DLGAP1: variants seen among roughly 807,000 people sequenced by gnomAD.
The protein encoded by DLGAP1 is disks large-associated protein 1.
In DLGAP1, 11 loss-of-function variants were observed where a neutral mutation model predicts 90.8. The observed-to-expected ratio is 0.12, with a 90% CI of 0.08 to 0.20. The LOEUF is 0.20. Among genes scored for constraint, DLGAP1 ranks in the 10% least tolerant of loss-of-function variants. The pLI is 1.00. For missense variants in DLGAP1, 1,050 were observed against 1,333.8 expected, an observed-to-expected ratio of 0.79 and a Z score of 3.31; for synonymous variants, 558 against 540.7, an observed-to-expected ratio of 1.03 and a Z score of -0.44.
chr18:3,734,129 T>G (rs1183855063), intron 6 of DLGAP1, among the ~76,000 whole-genome samples: 3 of 152,212 alleles, frequency 2.0e-5, no homozygotes, highest in Non-Finnish European at 2.9e-5. Context: ...TTCTTACTTG[T>G]TCTGTTCCTT....
intron 6 of DLGAP1, among the ~76,000 whole-genome samples, chr18:3,739,174 G>A (rs375471252): frequency 0.01 from 1,066 of 102,442 alleles, no homozygotes; most frequent in African/African-American, 0.016. Context: ...TTACACTGTT[G>A]GTGGGACTGT....
intron 1 of DLGAP1, among the ~76,000 whole-genome samples, chr18:4,414,364 G>A (rs193246877): frequency 6.6e-6 from 1 of 152,256 alleles, no homozygotes; most frequent in Non-Finnish European, 1.5e-5. Flanking sequence ...CAGAATAATT[G>A]TATTTATATG....
At chr18:4,140,321 C>A (rs1346518040) in intron 2 of DLGAP1, among the ~76,000 whole-genome samples, 2 of 151,710 alleles carry the variant, frequency 1.3e-5, no homozygotes, top group Non-Finnish European at 3.0e-5. Flanking sequence ...TTGCAAATAT[C>A]TTGTAACCCA....
At chr18:3,767,857 T>C (rs1189877441) in intron 5 of DLGAP1, among the ~76,000 whole-genome samples, 2 of 152,132 alleles carry the variant, frequency 1.3e-5, no homozygotes, top group African/African-American at 2.4e-5. Flanking sequence ...CCTAAGATCA[T>C]GAACAAGACA....
In DLGAP1 at chr18:4,383,439, G is replaced by C. The variant is rs987722524; in HGVS notation, c.-267+71567C>G. Among the ~76,000 whole-genome samples, 2 of 151,776 alleles carry C rather than the reference G, an allele frequency of 1.3e-5. No individual in the cohort carries two copies. The highest frequency in any genetic ancestry group is 2.9e-5 in the Non-Finnish European group (2 of 67,928). The stretch of plus-strand genomic sequence containing the variant: ...TGAAAATATAATCCTAATAAAATGG[G>C]CATGTAAGATATCTCCCTCTAGTTT... On this transcript the variant is annotated intron_variant, in intron 1 of 12. Coordinates refer to ENST00000315677, the MANE Select transcript of DLGAP1 (RefSeq NM_004746.4). This position sits in a 1 kb window ranked among gnomAD's most constrained non-coding sequence, Gnocchi z 4.0.
At chr18:4,446,909 T>A (rs1016179911) in intron 1 of DLGAP1, among the ~76,000 whole-genome samples, 4 of 152,040 alleles carry the variant, frequency 2.6e-5, no homozygotes, top group African/African-American at 9.7e-5. Context: ...ACTAGAATAT[T>A]AATAAAGAGA....
intron 2 of DLGAP1, among the ~76,000 whole-genome samples, chr18:4,094,403 A>T (rs1373135929): frequency 6.6e-6 from 1 of 152,040 alleles, no homozygotes; most frequent in Middle Eastern, 3.4e-3. Flanking sequence ...TTTAAAATTA[A>T]TTTTCTGTAT....
chr18:4,073,942 T>C (rs1247865460), intron 2 of DLGAP1, among the ~76,000 whole-genome samples: 1 of 152,150 alleles, frequency 6.6e-6, no homozygotes, highest in Admixed American at 6.5e-5. Flanking sequence ...ACAAGGTCAA[T>C]ATTTTCAACA....
intron 1 of DLGAP1, among the ~76,000 whole-genome samples, chr18:4,333,477 A>T (rs1459624659): frequency 6.6e-6 from 1 of 151,628 alleles, no homozygotes; most frequent in Non-Finnish European, 1.5e-5. Flanking sequence ...TAATGTCACT[A>T]TCAATAGAGA....
At chr18:4,155,279 A>G (rs2076737432) in intron 1 of DLGAP1, among the ~76,000 whole-genome samples, 1 of 152,164 alleles carries the variant, frequency 6.6e-6, no homozygotes. Context: ...TACTTCTACA[A>G]ATCTGCTGCC....
At chr18:3,960,320 C>T (rs995876717) in intron 3 of DLGAP1, among the ~76,000 whole-genome samples, 7 of 152,162 alleles carry the variant, frequency 4.6e-5, no homozygotes, top group Admixed American at 6.5e-5. Context: ...ATTCATTGCA[C>T]TCTGACCCCT....
chr18:4,163,884 T>A (rs2076889182), intron 1 of DLGAP1, among the ~76,000 whole-genome samples: 1 of 152,182 alleles, frequency 6.6e-6, no homozygotes, highest in South Asian at 2.1e-4. Flanking sequence ...TCATTAAAAT[T>A]ATAATTCTCC....
At chr18:3,641,537 CAAAA>C (rs576340963) in intron 7 of DLGAP1, among the ~76,000 whole-genome samples, 1 of 63,292 alleles carries the variant, frequency 1.6e-5, no homozygotes. Context: ...AACTCCGTCT[CAAAA>C]AAAAAAAAAA....
intron 2 of DLGAP1, among the ~76,000 whole-genome samples, chr18:4,024,392 G>A (rs2074664948): frequency 6.6e-6 from 1 of 152,144 alleles, no homozygotes. Context: ...ACCACAGCTG[G>A]GAAGAACCCC....
intron 4 of DLGAP1, among the ~76,000 whole-genome samples, chr18:3,817,827 G>A (rs1333888781): frequency 6.6e-6 from 1 of 152,148 alleles, no homozygotes; most frequent in African/African-American, 2.4e-5. Context: ...CATTTCAGCT[G>A]CACAGAGAGA....
chr18:4,453,501 C>T (rs896429093), intron 1 of DLGAP1, among the ~76,000 whole-genome samples: 1 of 152,104 alleles, frequency 6.6e-6, no homozygotes, highest in African/African-American at 2.4e-5. Context: ...AAAGTCGTTT[C>T]CTGAACTGAA....
At chr18:4,285,761 T>A (rs1162410260) in intron 1 of DLGAP1, among the ~76,000 whole-genome samples, 1 of 152,190 alleles carries the variant, frequency 6.6e-6, no homozygotes, top group East Asian at 1.9e-4. Context: ...TAGCAGTCCA[T>A]GAGTGGTTGA....
At chr18:3,883,199 G>A (rs571611417) in intron 3 of DLGAP1, among the ~76,000 whole-genome samples, 30 of 152,308 alleles carry the variant, frequency 2.0e-4, no homozygotes, top group African/African-American at 3.4e-4. Context: ...AGCCGAGATC[G>A]TGCCACTGCA....
At chr18:3,812,771 C>T (rs948756302) in intron 5 of DLGAP1, among the ~76,000 whole-genome samples, 5 of 152,180 alleles carry the variant, frequency 3.3e-5, no homozygotes, top group Admixed American at 2.6e-4. Context: ...TAAATAAATT[C>T]CCATCGCACA....
Sources: gnomAD v4.1 joint callset for allele counts (sites outside exome capture counted in the v4.1 genomes callset) on GRCh38, gnomAD v4.1.1 for gene constraint, Gnocchi (gnomAD v3.1) non-coding constraint, MANE v1.5 for transcripts, NCBI Gene and HGNC (gene_info 2026-07-23, HGNC 2026-07-21) for gene names.